Variants in RPTOR observed in about 807,000 individuals in gnomAD.
RPTOR encodes the protein regulatory associated protein of MTOR complex 1.
RPTOR carries 21 observed loss-of-function variants against 169.9 expected under a neutral mutation model. The ratio of observed to expected loss-of-function variants is 0.12; its 90% CI spans 0.09 to 0.18. The LOEUF is 0.18. RPTOR is among the 10% of genes least tolerant of loss of function. RPTOR has a pLI of 1.00. For synonymous variants in RPTOR, 732 were observed against 753.2 expected (o/e 0.97, Z 0.46); for missense variants, 1,133 against 1,855.9 (o/e 0.61, Z 7.16).
At chr17:80,886,814 G>A (rs2068252951) in intron 17 of RPTOR, among the ~76,000 whole-genome samples, 1 of 152,252 alleles carries the variant, frequency 6.6e-6, no homozygotes, top group African/African-American at 2.4e-5. Flanking sequence ...CCGGGACGCA[G>A]CTGTCTCGGG....
At chr17:80,640,503 T>A (rs2065544751) in intron 2 of RPTOR, among the ~76,000 whole-genome samples, 1 of 152,206 alleles carries the variant, frequency 6.6e-6, no homozygotes, top group Admixed American at 6.5e-5. Context: ...CCACAGGGAT[T>A]CCCAGTGGAT....
chr17:80,767,315 G>A (rs1207212646), intron 6 of RPTOR, among the ~76,000 whole-genome samples: 1 of 152,214 alleles, frequency 6.6e-6, no homozygotes, highest in Admixed American at 6.5e-5. Flanking sequence ...GTAGTGAGCA[G>A]TGCAGTGATC....
At chr17:80,713,259 C>G (rs2066211216) in intron 4 of RPTOR, among the ~76,000 whole-genome samples, 1 of 152,088 alleles carries the variant, frequency 6.6e-6, no homozygotes, top group Non-Finnish European at 1.5e-5. Context: ...TTAGTACAGG[C>G]TGATCTCAAC....
chr17:80,685,940 T>C (rs547252306), intron 3 of RPTOR, among the ~76,000 whole-genome samples: 1 of 151,846 alleles, frequency 6.6e-6, no homozygotes, highest in Non-Finnish European at 1.5e-5. Context: ...CTGACAGTGT[T>C]GGTGGCCTCT....
chr17:80,878,477 G>T lies in RPTOR; in HGVS notation c.1510-1938G>T, dbSNP rs145267422. Among the ~76,000 whole-genome samples the T allele has an allele frequency of 2.5e-3, 379 of 152,190 alleles. 1 individual carries two copies. Among genetic ancestry groups the T allele is most frequent in the African/African-American group, 8.7e-3 (363 of 41,518 alleles). On this transcript the variant is annotated intron_variant, in intron 13 of 33. Transcript: ENST00000306801. This position sits in a 1 kb window ranked among gnomAD's most constrained non-coding sequence, Gnocchi z 4.1. ...TTCTCCTGCCTCAGCCTCCCGAGTA[G>T]CTGGGACTACAGGCACGCACCACCA...
Position 80,638,333 on chromosome 17 carries a change from ACACAGCTCTGTGCC to A in RPTOR, c.266-5387_266-5374del, listed in dbSNP as rs912551377. On this transcript the variant is annotated intron_variant, in intron 2 of 33. Coordinates refer to ENST00000306801, the MANE Select transcript of RPTOR (RefSeq NM_020761.3). ...CCAGTCACAGCCGTATGCTCTGTGCACACAGCTCTGTGCCCACAGCTGAAACCTTGGCTCTTTGG... is the reference window on the plus strand; with the variant it reads ...CCAGTCACAGCCGTATGCTCTGTGCACACAGCTGAAACCTTGGCTCTTTGG... Among the ~76,000 whole-genome samples, 358 of 152,126 alleles carry A rather than the reference ACACAGCTCTGTGCC, an allele frequency of 2.4e-3. 1 individual carries two copies. The highest frequency in any genetic ancestry group is 3.0e-3 in the Non-Finnish European group (207 of 67,988).
At chr17:80,882,671 A>G (rs1167229151) in intron 14 of RPTOR, among the ~76,000 whole-genome samples, 1 of 152,244 alleles carries the variant, frequency 6.6e-6, no homozygotes, top group Non-Finnish European at 1.5e-5. Context: ...AAACGGAACC[A>G]GGAGGGGAAA....
chr17:80,668,681 T>G (rs2065799211), intron 3 of RPTOR, among the ~76,000 whole-genome samples: 1 of 152,224 alleles, frequency 6.6e-6, no homozygotes, highest in Non-Finnish European at 1.5e-5. Flanking sequence ...AGGGATCTCC[T>G]CTTTTCTGTC....
In RPTOR at chr17:80,965,141, C is replaced by T. The variant is rs529648268; in HGVS notation, c.*811C>T. On this transcript the variant is annotated 3_prime_UTR_variant, in exon 34 of 34. Coordinates refer to ENST00000306801, the MANE Select transcript of RPTOR (RefSeq NM_020761.3). ...TTAATCCACGGGGCTCCTTTCCCTC[C>T]GAAGGGCTGCTCTTCCCCACAGGCG... 1.7e-5 allele frequency: 4 copies of T among 233,366 alleles called. No homozygotes were observed. Among genetic ancestry groups the T allele is most frequent in the East Asian group, 6.0e-5 (1 of 16,594 alleles). 14.5% of individuals were successfully genotyped at this position (233,366 alleles called of 1,614,324 possible).
chr17:80,921,712 C>T (rs2068747022), intron 21 of RPTOR, among the ~76,000 whole-genome samples: 2 of 152,226 alleles, frequency 1.3e-5, no homozygotes, highest in South Asian at 4.1e-4. Flanking sequence ...AGGGTCTTGG[C>T]TTCATCCACA....
intron 2 of RPTOR, among the ~76,000 whole-genome samples, chr17:80,634,344 G>A (rs2065472937): frequency 1.4e-5 from 2 of 146,556 alleles, no homozygotes; most frequent in Non-Finnish European, 3.0e-5. Flanking sequence ...TGCGTACTGT[G>A]TGCATGTGCG....
chr17:80,861,224 A>G lies in RPTOR; in HGVS notation c.1509+3324A>G, dbSNP rs1253407684. Among the ~76,000 whole-genome samples, 4 of 144,730 alleles carry G rather than the reference A, an allele frequency of 2.8e-5. No homozygotes were observed. Among genetic ancestry groups the G allele is most frequent in the Non-Finnish European group, 6.2e-5 (4 of 64,052 alleles). The allele number at this position is 144,730 out of a possible 152,430, so 94.9% of individuals were successfully genotyped here. A position where few individuals can be genotyped will look rare whatever the true frequency, so the allele number is the denominator to read the frequency against. On this transcript the variant is annotated intron_variant, in intron 13 of 33. Transcript: ENST00000306801. The surrounding 1 kb of genome is among the most constrained non-coding windows in gnomAD (Gnocchi z 4.5). ...GGCCATGATTTGCCTCTGTAAAATCATGAGCCTTCGGCCGTCTGCCTTCAG... is the reference window on the plus strand; with the variant it reads ...GGCCATGATTTGCCTCTGTAAAATCGTGAGCCTTCGGCCGTCTGCCTTCAG...
At chr17:80,722,424 C>T (rs556971969) in intron 4 of RPTOR, among the ~76,000 whole-genome samples, 4 of 150,732 alleles carry the variant, frequency 2.7e-5, no homozygotes, top group South Asian at 4.2e-4. Flanking sequence ...AGGCCCCTGA[C>T]GATAAGTTTT....
At chr17:80,939,580 T>C (rs760496584) in intron 24 of RPTOR, among the ~76,000 whole-genome samples, 1 of 152,154 alleles carries the variant, frequency 6.6e-6, no homozygotes, top group Non-Finnish European at 1.5e-5. Flanking sequence ...AGCACCCTCC[T>C]AGCTCTTCCA....
chr17:80,828,570 GGCCTTTACA>G (rs1322628992), intron 9 of RPTOR, among the ~76,000 whole-genome samples: 1 of 152,204 alleles, frequency 6.6e-6, no homozygotes, highest in African/African-American at 2.4e-5. Flanking sequence ...TTGGCTTTAC[GGCCTTTACA>G]GTGCTGGCCC....
chr17:80,893,723 G>A lies in RPTOR; in HGVS notation c.2259G>A (p.Ala753=), dbSNP rs774121223. ...SLTEESGGAV[A]FSPGNLSTSS... is the part of the protein sequence containing the mutation. The stretch of plus-strand genomic sequence containing the variant: ...CTCGGGCAGCTGGTGGCGCGGTGGC[G>A]TTCTCCCCCGGAAACCTCAGCACCA... Residue 753 remains alanine, a synonymous_variant, in exon 20 of 34, where the codon GCG becomes GCA. Transcript: ENST00000306801. 47 of 1,608,952 alleles carry A rather than the reference G, an allele frequency of 2.9e-5. No homozygotes were observed. Among genetic ancestry groups the A allele is most frequent in the Middle Eastern group, 1.6e-4 (1 of 6,068 alleles).
chr17:80,853,456 C>T (rs1175677621), intron 11 of RPTOR, among the ~76,000 whole-genome samples: 2 of 152,058 alleles, frequency 1.3e-5, no homozygotes, highest in South Asian at 2.1e-4. Flanking sequence ...GGTGATGGGG[C>T]GGTCATTTGT....
chr17:80,912,751 A>G (rs12940751), intron 21 of RPTOR, among the ~76,000 whole-genome samples: 3,060 of 152,244 alleles, frequency 0.02, 60 homozygotes, highest in Middle Eastern at 0.051. Flanking sequence ...TCTGCCTTTC[A>G]TGTTAGCAGG....
chr17:80,670,855 C>T (rs1249905262), intron 3 of RPTOR, among the ~76,000 whole-genome samples: 5 of 152,100 alleles, frequency 3.3e-5, no homozygotes, highest in Non-Finnish European at 7.4e-5. Context: ...CCGGTAGCCA[C>T]AAGGGTCTCC....
Sources: gnomAD v4.1 joint callset for allele counts (sites outside exome capture counted in the v4.1 genomes callset) on GRCh38, gnomAD v4.1.1 for gene constraint, Gnocchi (gnomAD v3.1) non-coding constraint, MANE v1.5 for transcripts, NCBI Gene and HGNC (gene_info 2026-07-23, HGNC 2026-07-21) for gene names.